Variants in ADGRB3 observed in about 807,000 individuals in gnomAD.
The protein encoded by ADGRB3 is adhesion G protein-coupled receptor B3, also known as brain-specific angiogenesis inhibitor 3.
ADGRB3 carries 37 observed loss-of-function variants against 193.4 expected under a neutral mutation model. The observed-to-expected ratio is 0.19, with a 90% CI of 0.15 to 0.25. The LOEUF is 0.25. Among genes scored for constraint, ADGRB3 ranks in the 10% least tolerant of loss-of-function variants. The probability of loss-of-function intolerance (pLI) is 1.00; values close to 1 mark genes in which losing one functional copy is unlikely to be tolerated. For synonymous variants in ADGRB3, 690 were observed against 644.2 expected (o/e 1.07, Z -1.08); for missense variants, 1,637 against 1,852.9 (o/e 0.88, Z 2.14).
At chr6:68,713,425 C>T (rs1172359759) in intron 3 of ADGRB3, among the ~76,000 whole-genome samples, 1 of 151,718 alleles carries the variant, frequency 6.6e-6, no homozygotes, top group African/African-American at 2.4e-5. Context: ...CAAAATCATT[C>T]CCAGACTGAG....
rs66836065 is a variant in ADGRB3, at chr6:68,661,538, C to CATATATATATAT, written c.757+22128_757+22139dup. On this transcript the variant is annotated intron_variant, in intron 3 of 31. Coordinates refer to ENST00000370598, the MANE Select transcript of ADGRB3 (RefSeq NM_001704.3). ...GTGTATACATATATATATGTGTATA[C>CATATATATATAT]ATATATATATATATATATATATATA... 2.1e-3 allele frequency among the ~76,000 whole-genome samples: 191 copies of CATATATATATAT among 91,792 alleles called. 14 individuals carry two copies. The highest frequency in any genetic ancestry group is 8.5e-3 in the East Asian group (16 of 1,888). 60.2% of individuals were successfully genotyped at this position (91,792 alleles called of 152,430 possible). A position where few individuals can be genotyped will look rare whatever the true frequency, so the allele number is the denominator to read the frequency against.
At chr6:69,249,211 C>T (rs1766565338) in intron 20 of ADGRB3, among the ~76,000 whole-genome samples, 1 of 152,092 alleles carries the variant, frequency 6.6e-6, no homozygotes, top group African/African-American at 2.4e-5. Context: ...CTCCTGACCT[C>T]GTGTTCTGCC....
intron 26 of ADGRB3, among the ~76,000 whole-genome samples, chr6:69,342,992 G>T (rs1769007758): frequency 6.6e-6 from 1 of 151,738 alleles, no homozygotes; most frequent in South Asian, 2.1e-4. Context: ...TATGAATTCA[G>T]AAGGCTTTAC....
intron 20 of ADGRB3, among the ~76,000 whole-genome samples, chr6:69,320,825 A>ATG (rs5877204): frequency 0.22 from 32,269 of 146,226 alleles, 3,673 homozygotes; most frequent in African/African-American, 0.31. Flanking sequence ...GCATGTGTGT[A>ATG]TGTGTGTGTG....
intron 17 of ADGRB3, among the ~76,000 whole-genome samples, chr6:69,122,775 A>T (rs1773749026): frequency 6.6e-6 from 1 of 152,118 alleles, no homozygotes; most frequent in African/African-American, 2.4e-5. Context: ...AACATGGCCA[A>T]GAGGAGGCTT....
At chr6:69,272,449 G>A (rs62408278) in intron 20 of ADGRB3, among the ~76,000 whole-genome samples, 7,125 of 152,258 alleles carry the variant, frequency 0.047, 226 homozygotes, top group Non-Finnish European at 0.072. Flanking sequence ...AATTAGAAAA[G>A]TATTTGACAT....
rs372092802 is a variant in ADGRB3 at position 68,721,204 on chromosome 6, T to C, written c.757+81772T>C. ...ATGTTTATTGTGGCACCACTCACAA[T>C]AGCAAAGACTTGGAACCAACCCAAA... On this transcript the variant is annotated intron_variant, in intron 3 of 31. Transcript: ENST00000370598. Among the ~76,000 whole-genome samples the C allele has an allele frequency of 1.3e-3, 194 of 151,982 alleles. 1 individual carries two copies. The highest frequency in any genetic ancestry group is 4.5e-3 in the African/African-American group (186 of 41,508).
chr6:69,309,809 G>A (rs993203431), intron 20 of ADGRB3, among the ~76,000 whole-genome samples: 5 of 151,638 alleles, frequency 3.3e-5, no homozygotes, highest in Middle Eastern at 3.4e-3. Context: ...CTACTGCCAC[G>A]CTTCACCTCT....
intron 6 of ADGRB3, 105 bp downstream of exon 6, chr6:68,944,099 G>A: frequency 8.0e-7 from 1 of 1,242,488 alleles, no homozygotes; most frequent in Non-Finnish European, 1.1e-6. Flanking sequence ...AGTCACGTTG[G>A]GAAATGTGTC....
At chr6:68,988,632 G>T (rs529102377) in intron 10 of ADGRB3, among the ~76,000 whole-genome samples, 1 of 152,084 alleles carries the variant, frequency 6.6e-6, no homozygotes, top group East Asian at 1.9e-4. Context: ...TAACGCAGGG[G>T]GATATCAAAG....
At chr6:69,137,864 C>T (rs1774201603) in intron 17 of ADGRB3, among the ~76,000 whole-genome samples, 1 of 152,182 alleles carries the variant, frequency 6.6e-6, no homozygotes, top group African/African-American at 2.4e-5. Context: ...ATACCTTTCT[C>T]TGCCTCATGT....
intron 26 of ADGRB3, among the ~76,000 whole-genome samples, chr6:69,345,703 G>A (rs1321500782): frequency 3.9e-5 from 6 of 152,084 alleles, no homozygotes; most frequent in African/African-American, 1.4e-4. Context: ...ACTAGATAAA[G>A]ATGCCCTCTC....
Position 68,813,784 on chromosome 6 carries a change from C to T in ADGRB3, c.758-116775C>T, listed in dbSNP as rs138392562. On this transcript the variant is annotated intron_variant, in intron 3 of 31. Transcript: ENST00000370598. ...ATGTGTTCTCATTGTTCGATTCCCA[C>T]CTGTGAGTGAGAACATGCAGTGTTT... 3.3e-3 allele frequency among the ~76,000 whole-genome samples: 500 copies of T among 152,180 alleles called. 6 individuals carry two copies. Among genetic ancestry groups the T allele is most frequent in the African/African-American group, 0.011 (473 of 41,528 alleles).
At chr6:68,943,694 G>T in intron 5 of ADGRB3, 136 bp from the exon 6 acceptor site, 1 of 624,478 alleles carries the variant, frequency 1.6e-6, no homozygotes. Flanking sequence ...TAAAAAATAA[G>T]AATGTTATCT....
intron 3 of ADGRB3, among the ~76,000 whole-genome samples, chr6:68,713,864 G>T (rs911563547): frequency 1.3e-5 from 2 of 151,246 alleles, no homozygotes; most frequent in Non-Finnish European, 3.0e-5. Context: ...AGTTATGAAA[G>T]AATTTTATAT....
chr6:68,782,370 CATT>C (rs969129073), intron 3 of ADGRB3, among the ~76,000 whole-genome samples: 2 of 151,800 alleles, frequency 1.3e-5, no homozygotes, highest in African/African-American at 4.8e-5. Context: ...TCCAGTCTAT[CATT>C]GTTGGACATT....
chr6:69,109,263 T>C (rs2150324909), intron 17 of ADGRB3, among the ~76,000 whole-genome samples: 1 of 152,312 alleles, frequency 6.6e-6, no homozygotes, highest in African/African-American at 2.4e-5. Flanking sequence ...GAAGTGTCTT[T>C]AGTAGTTTAA....
chr6:68,722,848 A>G (rs1422625064), intron 3 of ADGRB3, among the ~76,000 whole-genome samples: 3 of 151,666 alleles, frequency 2.0e-5, no homozygotes, highest in Non-Finnish European at 4.4e-5. Flanking sequence ...ATATAGGGTA[A>G]TGTTCATTTT....
At position 68,930,618 on chromosome 6, in the gene ADGRB3, A is replaced by T; in HGVS notation, c.817A>T (p.Lys273Ter). ...KSQRPRSVHEKRVPQEQADAA... is the reference protein window; with the variant it reads ...KSQRPRSVHE Reference sequence around the variant, plus strand: ...TCAGCGACCTCGATCTGTTCATGAAAAAAGGGTCCCTCAGGAACAAGCTGA... The same window carrying T: ...TCAGCGACCTCGATCTGTTCATGAATAAAGGGTCCCTCAGGAACAAGCTGA... The change falls in exon 4 of 32, where the codon AAA (lysine) becomes TAA (stop). Residue 273 changes from lysine to a stop codon, truncating the protein, a stop_gained. Transcript: ENST00000370598. LOFTEE classifies it high-confidence loss of function. 1 of 1,612,922 alleles carries T rather than the reference A, an allele frequency of 6.2e-7. No homozygotes were observed. The highest frequency in any genetic ancestry group is 8.5e-7 in the Non-Finnish European group (1 of 1,179,372).
Sources: gnomAD v4.1 joint callset for allele counts (sites outside exome capture counted in the v4.1 genomes callset) on GRCh38, gnomAD v4.1.1 for gene constraint, MANE v1.5 for transcripts, NCBI Gene and HGNC (gene_info 2026-07-23, HGNC 2026-07-21) for gene names.